The following COA1 variants were observed in gnomAD, a reference collection of about 807,000 sequenced individuals.
COA1 encodes cytochrome c oxidase assembly factor 1.
COA1 carries 13 observed loss-of-function variants against 16.0 expected under a neutral mutation model. That is an observed-to-expected ratio of 0.81 (90% CI 0.53 to 1.29). The LOEUF (loss-of-function observed/expected upper bound fraction) is 1.29, where lower values mean the gene tolerates loss of function less well. Among genes scored for constraint, COA1 ranks in the 50% most tolerant of loss-of-function variants. COA1 has a pLI of 0.00. For missense variants in COA1, 179 were observed against 177.0 expected (o/e 1.01, Z -0.06); for synonymous variants, 65 against 65.7 (o/e 0.99, Z 0.05).
At chr7:43,691,260 G>GAAAGAAAGA (rs2094279812) in intron 1 of COA1, among the ~76,000 whole-genome samples, 7 of 33,368 alleles carry the variant, frequency 2.1e-4, no homozygotes, top group South Asian at 2.8e-3. Context: ...AAAAAAGAAA[G>GAAAGAAAGA]AAAGAAAAGA....
intron 3 of COA1, chr7:43,646,191 A>C (rs1162311469): frequency 5.3e-6 from 1 of 187,102 alleles, no homozygotes; most frequent in Non-Finnish European, 1.2e-5. Flanking sequence ...GGAGAGGCCA[A>C]GGGAATCCCC....
chr7:43,716,141 T>C (rs147824257), intron 1 of COA1, among the ~76,000 whole-genome samples: 116 of 152,174 alleles, frequency 7.6e-4, no homozygotes, highest in African/African-American at 1.8e-3. Flanking sequence ...ATAAAGTAAA[T>C]TGGTACCAGC....
intron 1 of COA1, among the ~76,000 whole-genome samples, chr7:43,727,704 G>A (rs1007789684): frequency 3.3e-5 from 5 of 152,236 alleles, no homozygotes; most frequent in Non-Finnish European, 7.3e-5. Context: ...AGAATGGGGA[G>A]TGGGGATGGG....
intron 6 of COA1, chr7:43,609,768 T>A (rs192958705): frequency 2.6e-4 from 40 of 152,388 alleles, no homozygotes; most frequent in African/African-American, 9.1e-4. Context: ...GATGGTAACC[T>A]GAGAAGGCCG....
At chr7:43,689,103 T>C (rs572518055) in intron 1 of COA1, among the ~76,000 whole-genome samples, 1 of 152,218 alleles carries the variant, frequency 6.6e-6, no homozygotes, top group Non-Finnish European at 1.5e-5. Flanking sequence ...AGAAGTTATA[T>C]TCACACAACC....
chr7:43,676,772 T>C (rs983359020), intron 1 of COA1, among the ~76,000 whole-genome samples: 3 of 151,920 alleles, frequency 2.0e-5, no homozygotes, highest in African/African-American at 7.3e-5. Context: ...TTGTACCCCA[T>C]AAATATGTAC....
intron 3 of COA1, chr7:43,646,523 C>G (rs1484544234): frequency 2.2e-6 from 1 of 456,120 alleles, no homozygotes; most frequent in Non-Finnish European, 4.4e-6. Flanking sequence ...AGCCGAGATT[C>G]AACCATTCAA....
At chr7:43,631,138 C>G (rs1018190039) in intron 6 of COA1, 3 of 152,012 alleles carry the variant, frequency 2.0e-5, no homozygotes, top group Non-Finnish European at 4.4e-5. Context: ...TAGACTCATT[C>G]AACAAATTCT....
intron 4 of COA1, among the ~76,000 whole-genome samples, chr7:43,643,343 T>G (rs2087706899): frequency 6.6e-6 from 1 of 152,224 alleles, no homozygotes; most frequent in Non-Finnish European, 1.5e-5. Flanking sequence ...GGCTCTGTGC[T>G]GAGAGAAACG....
chr7:43,685,377 C>T (rs2093977004), intron 1 of COA1, among the ~76,000 whole-genome samples: 1 of 152,124 alleles, frequency 6.6e-6, no homozygotes, highest in African/African-American at 2.4e-5. Flanking sequence ...ATTTTAATTT[C>T]TGACGTGTCA....
chr7:43,662,996 T>C (rs1200148513), intron 1 of COA1, among the ~76,000 whole-genome samples: 3 of 152,226 alleles, frequency 2.0e-5, no homozygotes, highest in African/African-American at 7.2e-5. Context: ...CAAAATCTCA[T>C]GTTTAAATGT....
At chr7:43,724,998 G>A (rs1181065706) in intron 1 of COA1, among the ~76,000 whole-genome samples, 1 of 152,248 alleles carries the variant, frequency 6.6e-6, no homozygotes, top group African/African-American at 2.4e-5. Flanking sequence ...CAGCACTTTG[G>A]GAGGCTGAGG....
At chr7:43,666,580 G>C (rs147815036) in intron 1 of COA1, among the ~76,000 whole-genome samples, 10 of 152,262 alleles carry the variant, frequency 6.6e-5, no homozygotes, top group Non-Finnish European at 1.2e-4. Flanking sequence ...ATGACTTCAA[G>C]AAATAAAAAC....
chr7:43,623,904 A>T (rs1274413632), intron 6 of COA1: 1 of 1,460,752 alleles, frequency 6.8e-7, no homozygotes, highest in East Asian at 2.5e-5. Context: ...TATTATTTTT[A>T]TTAGTTTAAT....
intron 1 of COA1, among the ~76,000 whole-genome samples, chr7:43,706,208 G>A (rs1490256451): frequency 6.6e-6 from 1 of 151,644 alleles, no homozygotes; most frequent in Non-Finnish European, 1.5e-5. Flanking sequence ...AATACTTAGA[G>A]CATTTTGATT....
At chr7:43,713,944 C>T (rs1245206826) in intron 1 of COA1, among the ~76,000 whole-genome samples, 1 of 152,020 alleles carries the variant, frequency 6.6e-6, no homozygotes, top group Non-Finnish European at 1.5e-5. Context: ...GAGGCTGAGG[C>T]AGAATTCCTT....
At chr7:43,675,066 C>T (rs2093448286) in intron 1 of COA1, among the ~76,000 whole-genome samples, 2 of 152,204 alleles carry the variant, frequency 1.3e-5, no homozygotes, top group Admixed American at 1.3e-4. Flanking sequence ...ATCACAAATA[C>T]TCTGTCAGGC....
intron 1 of COA1, among the ~76,000 whole-genome samples, chr7:43,708,565 C>A (rs190987680): frequency 1.3e-5 from 2 of 152,128 alleles, no homozygotes; most frequent in African/African-American, 4.8e-5. Context: ...CAGTTATATG[C>A]CATTATGATT....
intron 6 of COA1, among the ~76,000 whole-genome samples, chr7:43,614,763 G>A (rs2083195272): frequency 6.6e-6 from 1 of 152,182 alleles, no homozygotes; most frequent in Non-Finnish European, 1.5e-5. Context: ...GTGTATCATA[G>A]ATGCATGTAA....
Sources: gnomAD v4.1 joint callset for allele counts (sites outside exome capture counted in the v4.1 genomes callset) on GRCh38, gnomAD v4.1.1 for gene constraint, MANE v1.5 for transcripts, NCBI Gene and HGNC (gene_info 2026-07-23, HGNC 2026-07-21) for gene names.